Variants in LRFN5 observed in about 807,000 individuals in gnomAD.
LRFN5 encodes leucine-rich repeat and fibronectin type-III domain-containing protein 5.
A neutral mutation model predicts 45.6 loss-of-function variants in LRFN5; 24 were observed. The observed-to-expected ratio is 0.53, with a 90% CI of 0.38 to 0.74. The LOEUF (loss-of-function observed/expected upper bound fraction) is 0.74, where lower values mean the gene tolerates loss of function less well. LRFN5 is among the 30% of genes least tolerant of loss of function. LRFN5 has a pLI of 0.00. For synonymous variants in LRFN5, 340 were observed against 313.8 expected (o/e 1.08, Z -0.88); for missense variants, 776 against 861.5 (o/e 0.90, Z 1.24).
intron 1 of LRFN5, among the ~76,000 whole-genome samples, chr14:41,652,563 A>G (rs1292036111): frequency 6.6e-6 from 1 of 152,194 alleles, no homozygotes; most frequent in East Asian, 1.9e-4. Flanking sequence ...ATAAAATAGA[A>G]AAATATGACA....
chr14:41,664,528 G>T (rs1880807314), intron 1 of LRFN5, among the ~76,000 whole-genome samples: 1 of 151,888 alleles, frequency 6.6e-6, no homozygotes, highest in Admixed American at 6.6e-5. Flanking sequence ...TGGGCAGAAT[G>T]GTTCATGCCT....
chr14:41,726,552 T>G (rs1418745347), intron 1 of LRFN5, among the ~76,000 whole-genome samples: 2 of 152,142 alleles, frequency 1.3e-5, no homozygotes, highest in Non-Finnish European at 2.9e-5. Flanking sequence ...AATGTGCCTC[T>G]GAAAACCCAT....
chr14:41,738,194 C>T (rs1416257180), intron 1 of LRFN5, among the ~76,000 whole-genome samples: 1 of 152,106 alleles, frequency 6.6e-6, no homozygotes, highest in Non-Finnish European at 1.5e-5. Flanking sequence ...TGACACCACA[C>T]ATCTACAACC....
At chr14:41,705,311 C>A (rs1267799466) in intron 1 of LRFN5, among the ~76,000 whole-genome samples, 1 of 152,122 alleles carries the variant, frequency 6.6e-6, no homozygotes, top group African/African-American at 2.4e-5. Context: ...CCACAGCTGC[C>A]AGTTCTCCAA....
At chr14:41,790,787 G>T (rs1363149926) in intron 2 of LRFN5, among the ~76,000 whole-genome samples, 1 of 141,390 alleles carries the variant, frequency 7.1e-6, no homozygotes, top group African/African-American at 2.6e-5. Flanking sequence ...ATTCCAGATT[G>T]AAATATGTTA....
chr14:41,803,241 G>A (rs1219653552), intron 2 of LRFN5, among the ~76,000 whole-genome samples: 1 of 152,106 alleles, frequency 6.6e-6, no homozygotes, highest in Non-Finnish European at 1.5e-5. Context: ...CAATGGATGT[G>A]CAGTTTTTAA....
intron 2 of LRFN5, among the ~76,000 whole-genome samples, chr14:41,788,441 T>C (rs1224071522): frequency 6.6e-6 from 1 of 152,248 alleles, no homozygotes; most frequent in East Asian, 1.9e-4. Context: ...AGGCCAGATA[T>C]GGCGTAAGTA....
intron 2 of LRFN5, among the ~76,000 whole-genome samples, chr14:41,879,358 TA>T (rs201995401): frequency 2.0e-5 from 3 of 151,792 alleles, no homozygotes; most frequent in South Asian, 4.2e-4. Flanking sequence ...TTTCCTTTTT[TA>T]AAAAAAATTA....
intron 2 of LRFN5, among the ~76,000 whole-genome samples, chr14:41,823,442 T>TC (rs1888193796): frequency 4.6e-5 from 7 of 151,778 alleles, no homozygotes; most frequent in Admixed American, 3.9e-4. Context: ...TATATCTATA[T>TC]TTGATTTTAA....
At chr14:41,793,308 A>G (rs1190049869) in intron 2 of LRFN5, among the ~76,000 whole-genome samples, 8 of 152,022 alleles carry the variant, frequency 5.3e-5, no homozygotes, top group African/African-American at 1.9e-4. Context: ...ATCATATGTA[A>G]GGCACACAGG....
intron 1 of LRFN5, among the ~76,000 whole-genome samples, chr14:41,757,455 G>A (rs1885452421): frequency 6.6e-6 from 1 of 152,196 alleles, no homozygotes; most frequent in African/African-American, 2.4e-5. Context: ...CCTCAGCAAT[G>A]GTGGGCGCCC....
chr14:41,693,089 T>C (rs1882452404), intron 1 of LRFN5, among the ~76,000 whole-genome samples: 1 of 152,134 alleles, frequency 6.6e-6, no homozygotes, highest in African/African-American at 2.4e-5. Flanking sequence ...ATTTCACTGA[T>C]GAATTTTTAT....
chr14:41,773,588 T>C (rs977550686), intron 2 of LRFN5, among the ~76,000 whole-genome samples: 4 of 152,152 alleles, frequency 2.6e-5, no homozygotes, highest in Non-Finnish European at 5.9e-5. Flanking sequence ...TCTCTTTCTC[T>C]TTCTCTCTCT....
intron 1 of LRFN5, among the ~76,000 whole-genome samples, chr14:41,655,464 C>T (rs955067031): frequency 6.6e-6 from 1 of 151,910 alleles, no homozygotes; most frequent in African/African-American, 2.4e-5. Context: ...TGGAGCTAGA[C>T]CAAAGAGAGG....
intron 1 of LRFN5, among the ~76,000 whole-genome samples, chr14:41,687,909 T>G (rs1007938266): frequency 1.3e-5 from 2 of 152,184 alleles, no homozygotes; most frequent in African/African-American, 4.8e-5. Flanking sequence ...GAACCTGCAC[T>G]ATCTGTACAT....
chr14:41,815,350 T>C (rs1477825581), intron 2 of LRFN5, among the ~76,000 whole-genome samples: 1 of 152,176 alleles, frequency 6.6e-6, no homozygotes, highest in Non-Finnish European at 1.5e-5. Flanking sequence ...GAAATCAATA[T>C]AGCTACTCTT....
chr14:41,638,862 T>C (rs1879431056), intron 1 of LRFN5, among the ~76,000 whole-genome samples: 1 of 152,122 alleles, frequency 6.6e-6, no homozygotes, highest in South Asian at 2.1e-4. Context: ...AATATTCTTC[T>C]AGAAATACAG....
At chr14:41,788,578 C>T (rs1886811727) in intron 2 of LRFN5, among the ~76,000 whole-genome samples, 1 of 151,994 alleles carries the variant, frequency 6.6e-6, no homozygotes, top group Non-Finnish European at 1.5e-5. Context: ...GTTCCATCTC[C>T]TCTCTCCAGG....
chr14:41,608,144 C>G lies in LRFN5; in HGVS notation c.-615C>G, dbSNP rs1594543331. The G allele has an allele frequency of 6.6e-6, 1 of 152,384 alleles. No individual in the cohort carries two copies. The highest frequency in any genetic ancestry group is 2.4e-5 in the African/African-American group (1 of 41,424). The allele number at this position is 152,384 out of a possible 1,614,324, so 9.4% of individuals were successfully genotyped here. A position where few individuals can be genotyped will look rare whatever the true frequency, so the allele number is the denominator to read the frequency against. ...CGGTCCGGTGGGCTTCGAAGCCAAT[C>G]GTGAGAAGGACCGGTTCCCTCCGTG... On this transcript the variant is annotated 5_prime_UTR_variant, in exon 1 of 6. It adds an upstream start codon to the 5' untranslated region. Coordinates refer to ENST00000298119, the MANE Select transcript of LRFN5 (RefSeq NM_152447.5).
Sources: allele counts gnomAD v4.1 joint callset (sites outside exome capture counted in the v4.1 genomes callset), GRCh38; gene constraint gnomAD v4.1.1; transcripts MANE v1.5; gene names NCBI Gene and HGNC (gene_info 2026-07-23, HGNC 2026-07-21).